Variants in STT3B observed in about 807,000 individuals in gnomAD.
The protein encoded by STT3B is STT3 oligosaccharyltransferase complex catalytic subunit B, also known as dolichyl-diphosphooligosaccharide--protein glycosyltransferase subunit STT3B.
STT3B carries 29 observed loss-of-function variants against 96.8 expected under a neutral mutation model. The ratio of observed to expected loss-of-function variants is 0.30; its 90% CI spans 0.22 to 0.41. The LOEUF is 0.41. Among genes scored for constraint, STT3B ranks in the 10% least tolerant of loss-of-function variants. STT3B has a pLI of 1.00. For missense variants in STT3B, 640 were observed against 1,022.3 expected (o/e 0.63, Z 5.10); for synonymous variants, 367 against 360.0 (o/e 1.02, Z -0.22).
At chr3:31,629,711 A>C (rs1428629560) in intron 14 of STT3B, among the ~76,000 whole-genome samples, 1 of 152,200 alleles carries the variant, frequency 6.6e-6, no homozygotes, top group African/African-American at 2.4e-5. Flanking sequence ...TTCTCCAAGA[A>C]GAGTTCTCCT....
At chr3:31,600,310 AT>A in intron 4 of STT3B, 49 bp from the exon 5 acceptor site, 1 of 834,232 alleles carries the variant, frequency 1.2e-6, no homozygotes, top group Non-Finnish European at 1.9e-6. Flanking sequence ...AAATATACTT[AT>A]TTTAAAAAGT....
chr3:31,595,595 A>G (rs1335758117), intron 3 of STT3B, among the ~76,000 whole-genome samples: 1 of 152,170 alleles, frequency 6.6e-6, no homozygotes, highest in Non-Finnish European at 1.5e-5. Context: ...CAATCCTAAA[A>G]TGTATACTTT....
At chr3:31,624,796 T>C (rs1699501135) in intron 11 of STT3B, 118 bp from the exon 12 acceptor site, 6 of 734,164 alleles carry the variant, frequency 8.2e-6, no homozygotes, top group Non-Finnish European at 1.3e-5. Flanking sequence ...AGGCTTTTAC[T>C]TAATAACTAC....
intron 5 of STT3B, among the ~76,000 whole-genome samples, chr3:31,602,326 T>C (rs1698946352): frequency 6.6e-6 from 1 of 152,076 alleles, no homozygotes; most frequent in Non-Finnish European, 1.5e-5. Context: ...AGTTAAATGG[T>C]TACAGTGAAG....
chr3:31,541,501 C>CT (rs1486808544), intron 1 of STT3B, among the ~76,000 whole-genome samples: 31 of 53,284 alleles, frequency 5.8e-4, no homozygotes, highest in African/African-American at 2.5e-3. Context: ...TGAGCATTTT[C>CT]TTTAAGATTC....
intron 1 of STT3B, among the ~76,000 whole-genome samples, chr3:31,559,149 GTGTGTGTGTGTGTGT>G (rs1559365162): frequency 1.5e-4 from 4 of 26,616 alleles, no homozygotes; most frequent in African/African-American, 3.9e-4. Flanking sequence ...TTCTTGGGGT[GTGTGTGTGTGTGTGT>G]GTGTGTGTGT....
rs750313713 is a variant in STT3B at position 31,623,666 on chromosome 3, A to G, written c.1540-8A>G. ...AATTTGTCTAACCAATTTTTTTAAT[A>G]TCTTTAGGCAGGTAAAGTGAGGAAA... is the stretch of plus-strand genomic sequence containing the variant. On this transcript the variant is annotated splice_polypyrimidine_tract_variant and splice_region_variant and intron_variant, in intron 10 of 15. Transcript: ENST00000295770. 6.4e-7 allele frequency: 1 copy of G among 1,573,190 alleles called. No individual in the cohort carries two copies. Among genetic ancestry groups the G allele is most frequent in the Non-Finnish European group, 8.6e-7 (1 of 1,157,492 alleles).
At chr3:31,591,461 C>A (rs900612435) in intron 3 of STT3B, among the ~76,000 whole-genome samples, 2 of 152,012 alleles carry the variant, frequency 1.3e-5, no homozygotes, top group African/African-American at 4.8e-5. Context: ...CATTTACTGT[C>A]CTCTTTTGTG....
At chr3:31,612,627 C>T (rs955116746) in intron 5 of STT3B, among the ~76,000 whole-genome samples, 5 of 152,146 alleles carry the variant, frequency 3.3e-5, no homozygotes, top group African/African-American at 1.2e-4. Context: ...AGTGCATCTG[C>T]TTCTGTATAA....
At chr3:31,586,981 G>C (rs1018654394) in intron 3 of STT3B, among the ~76,000 whole-genome samples, 4 of 152,034 alleles carry the variant, frequency 2.6e-5, no homozygotes, top group African/African-American at 9.7e-5. Flanking sequence ...TTAATATGTA[G>C]TCTTCTGATC....
rs142761376 is a variant in STT3B, at chr3:31,549,515, C to T, written c.314+16203C>T. On this transcript the variant is annotated intron_variant, in intron 1 of 15. Transcript: ENST00000295770. ...TTTATTAGTTGTCCAACCACTTTGGCTCTTTCATCACACCAACTTGTGGGC... is the reference window on the plus strand; with the variant it reads ...TTTATTAGTTGTCCAACCACTTTGGTTCTTTCATCACACCAACTTGTGGGC... Among the ~76,000 whole-genome samples, 37 of 151,642 alleles carry T rather than the reference C, an allele frequency of 2.4e-4. 1 individual carries two copies. The highest frequency in any genetic ancestry group is 4.9e-4 in the Non-Finnish European group (33 of 67,938).
intron 1 of STT3B, among the ~76,000 whole-genome samples, chr3:31,537,429 A>C (rs1280043072): frequency 6.6e-6 from 1 of 151,882 alleles, no homozygotes; most frequent in Non-Finnish European, 1.5e-5. Context: ...GTCCAGCTGC[A>C]CTTCAGACCA....
intron 1 of STT3B, among the ~76,000 whole-genome samples, chr3:31,570,853 A>G (rs1698119297): frequency 6.6e-6 from 1 of 152,072 alleles, no homozygotes. Flanking sequence ...AACTAGCTTT[A>G]CAGGGATTCT....
chr3:31,569,930 A>G (rs1251860946), intron 1 of STT3B, among the ~76,000 whole-genome samples: 1 of 152,026 alleles, frequency 6.6e-6, no homozygotes, highest in Non-Finnish European at 1.5e-5. Context: ...ATTTATAAAT[A>G]TATGTATAGA....
Position 31,635,936 on chromosome 3 carries a change from A to T in STT3B, c.2401-48A>T, listed in dbSNP as rs1220013632. 4.3e-6 allele frequency: 6 copies of T among 1,401,346 alleles called. No homozygotes were observed. In the African/African-American group the frequency reaches 8.7e-5, roughly 20 times the overall value. The allele number at this position is 1,401,346 out of a possible 1,614,324, so 86.8% of individuals were successfully genotyped here. On this transcript the variant is annotated intron_variant, in intron 15 of 15. Coordinates refer to ENST00000295770, the MANE Select transcript of STT3B (RefSeq NM_178862.3). ...CCATGTGTGTGTTTATAGATTTTTT[A>T]ATCAGTAAGAAACCTGCATTAATAC... is the stretch of plus-strand genomic sequence containing the variant.
At chr3:31,561,113 T>C (rs1232597036) in intron 1 of STT3B, among the ~76,000 whole-genome samples, 1 of 152,042 alleles carries the variant, frequency 6.6e-6, no homozygotes, top group Non-Finnish European at 1.5e-5. Context: ...TTTTATGATA[T>C]CTACCTCTTG....
rs557757778 is a variant in STT3B at position 31,636,684 on chromosome 3, A to T, written c.*620A>T. The T allele has an allele frequency of 5.3e-5, 8 of 152,182 alleles. No individual in the cohort carries two copies. The highest frequency in any genetic ancestry group is 4.4e-5 in the Non-Finnish European group (3 of 68,026). 9.4% of individuals were successfully genotyped at this position (152,182 alleles called of 1,614,324 possible). A position where few individuals can be genotyped will look rare whatever the true frequency, so the allele number is the denominator to read the frequency against. On this transcript the variant is annotated 3_prime_UTR_variant, in exon 16 of 16. Coordinates refer to ENST00000295770, the MANE Select transcript of STT3B (RefSeq NM_178862.3). ...AGATGGACCTCTGAGTAGCTAATTG[A>T]TTCAAGTAGTTTTTTTATGTTGACA...
intron 1 of STT3B, among the ~76,000 whole-genome samples, chr3:31,544,971 A>G (rs528114271): frequency 6.6e-6 from 1 of 152,248 alleles, no homozygotes; most frequent in African/African-American, 2.4e-5. Flanking sequence ...TATGCTCTTA[A>G]TTTTTAAAAT....
At chr3:31,564,332 G>A (rs1697950744) in intron 1 of STT3B, among the ~76,000 whole-genome samples, 1 of 152,094 alleles carries the variant, frequency 6.6e-6, no homozygotes, top group African/African-American at 2.4e-5. Flanking sequence ...TATATACCAG[G>A]CACCGTCCTT....
Sources: gnomAD v4.1 joint callset for allele counts (sites outside exome capture counted in the v4.1 genomes callset) on GRCh38, gnomAD v4.1.1 for gene constraint, MANE v1.5 for transcripts, NCBI Gene and HGNC (gene_info 2026-07-23, HGNC 2026-07-21) for gene names.